The following MINK1 variants were observed in gnomAD, a reference collection of about 807,000 sequenced individuals.
The protein encoded by MINK1 is misshapen-like kinase 1.
Under a neutral mutation model 178.4 loss-of-function variants are expected in MINK1, and 46 were observed. The observed-to-expected ratio is 0.26, with a 90% CI of 0.20 to 0.33. MINK1 has a LOEUF of 0.33. Ranked by LOEUF, MINK1 falls within the 10% of genes least tolerant of loss-of-function variation. The pLI, the probability that MINK1 is intolerant of heterozygous loss-of-function variation, is 1.00. For synonymous variants in MINK1, 797 were observed against 709.7 expected, an observed-to-expected ratio of 1.12 and a Z score of -1.96; for missense variants, 1,366 against 1,814.9, an observed-to-expected ratio of 0.75 and a Z score of 4.49.
At chr17:4,859,190 A>G (rs1913709869) in intron 1 of MINK1, 1 of 985,390 alleles carries the variant, frequency 1.0e-6, no homozygotes, top group Non-Finnish European at 1.2e-6. Flanking sequence ...CTTCTTTCCC[A>G]AGGACTTCCA....
In MINK1 at chr17:4,879,394, G is replaced by A. The variant is rs1327800872; in HGVS notation, c.123+1012G>A. ...AAGTCTCTTCTACATCTCTAGCCCC[G>A]TGTTTCCTGTGTCGCTGAGACCACC... On this transcript the variant is annotated intron_variant, in intron 2 of 31. Transcript: ENST00000355280. Among the ~76,000 whole-genome samples, 6 of 152,340 alleles carry A rather than the reference G, an allele frequency of 3.9e-5. No individual in the cohort carries two copies. In the East Asian group the frequency reaches 9.6e-4, roughly 24 times the overall value.
chr17:4,889,777 C>T lies in MINK1; in HGVS notation c.1347+14C>T, dbSNP rs561147721. On this transcript the variant is annotated intron_variant, in intron 13 of 31. Coordinates refer to ENST00000355280, the MANE Select transcript of MINK1 (RefSeq NM_153827.5). ...GAGCGCGAGCAGGTAGAGCGCCGCA[C>T]CCGCATCCCTGCCCTCCCGCCCTCC... 3 of 1,514,438 alleles carry T rather than the reference C, an allele frequency of 2.0e-6. No individual in the cohort carries two copies. The highest frequency in any genetic ancestry group is 1.2e-5 in the South Asian group (1 of 80,964). The allele number at this position is 1,514,438 out of a possible 1,614,324, so 93.8% of individuals were successfully genotyped here.
Position 4,896,652 on chromosome 17 carries a change from G to GC in MINK1, c.3776-18dup. ...GTGGCCCCGGGGTGCAGCCTGCTCA[G>GC]CCCCTCACCTGTTCCCCACAGCCTA... On this transcript the variant is annotated intron_variant, in intron 30 of 31. Transcript: ENST00000355280. The surrounding 1 kb of genome is among the most constrained non-coding windows in gnomAD (Gnocchi z 4.6). 1 of 1,606,200 alleles carries GC rather than the reference G, an allele frequency of 6.2e-7. No homozygotes were observed. The highest frequency in any genetic ancestry group is 8.5e-7 in the Non-Finnish European group (1 of 1,175,200).
chr17:4,839,294 A>G (rs1397624048), intron 1 of MINK1, among the ~76,000 whole-genome samples: 4 of 152,036 alleles, frequency 2.6e-5, no homozygotes, highest in African/African-American at 7.3e-5. Flanking sequence ...TGCAACCTTC[A>G]AGGTTGGGAC....
intron 1 of MINK1, among the ~76,000 whole-genome samples, chr17:4,876,764 C>T (rs1967218915): frequency 6.6e-6 from 1 of 151,956 alleles, no homozygotes; most frequent in South Asian, 2.1e-4. Context: ...GGGGACGGGC[C>T]CACCCAGTGA....
At chr17:4,893,218 C>T in intron 20 of MINK1, 151 bp downstream of exon 20, 1 of 1,517,668 alleles carries the variant, frequency 6.6e-7, no homozygotes. Context: ...CTAACCTTTC[C>T]TAACCTCTCT....
intron 1 of MINK1, among the ~76,000 whole-genome samples, chr17:4,870,060 A>G (rs1915667279): frequency 1.3e-5 from 2 of 151,160 alleles, no homozygotes; most frequent in Non-Finnish European, 3.0e-5. Flanking sequence ...GGCACCCGCC[A>G]TCATGCCCAG....
In MINK1 at chr17:4,896,889, G is replaced by T. The variant is rs1228913727; in HGVS notation, c.3915+76G>T. 1.3e-6 allele frequency: 2 copies of T among 1,488,642 alleles called. No homozygotes were observed. The highest frequency in any genetic ancestry group is 1.4e-5 in the African/African-American group (1 of 70,990). 92.2% of individuals were successfully genotyped at this position (1,488,642 alleles called of 1,614,324 possible). ...CTAGGCCCCTGGGCAGAGTTCTGGG[G>T]AGAGGATGGTGGTGGTGGCTTCCTG... On this transcript the variant is annotated intron_variant, in intron 31 of 31. Coordinates refer to ENST00000355280, the MANE Select transcript of MINK1 (RefSeq NM_153827.5). This position sits in a 1 kb window ranked among gnomAD's most constrained non-coding sequence, Gnocchi z 4.6.
At chr17:4,881,065 G>A (rs752988087) in intron 3 of MINK1, 25 bp downstream of exon 3, 1 of 1,534,780 alleles carries the variant, frequency 6.5e-7, no homozygotes, top group African/African-American at 1.4e-5. Context: ...TGGGCAGTGG[G>A]AGGGTCGGAC....
In MINK1 at chr17:4,885,789, G is replaced by C; in HGVS notation, c.640-122G>C. 7.2e-7 allele frequency: 1 copy of C among 1,394,552 alleles called. No homozygotes were observed. The allele number at this position is 1,394,552 out of a possible 1,614,324, so 86.4% of individuals were successfully genotyped here. A position where few individuals can be genotyped will look rare whatever the true frequency, so the allele number is the denominator to read the frequency against. On this transcript the variant is annotated intron_variant, in intron 7 of 31. Transcript: ENST00000355280. This position sits in a 1 kb window ranked among gnomAD's most constrained non-coding sequence, Gnocchi z 5.0. ...GTGGGAAGATGGGATGGGTTGGAAG[G>C]CACTGCTGCAGGAATGGGTGTGGCC...
At chr17:4,891,196 GCGCGCACACA>G in intron 15 of MINK1, 72 bp downstream of exon 15, 4 of 850,042 alleles carry the variant, frequency 4.7e-6, no homozygotes, top group Non-Finnish European at 6.6e-6. Flanking sequence ...ACACACACAC[GCGCGCACACA>G]CACACACACA....
intron 1 of MINK1, among the ~76,000 whole-genome samples, chr17:4,857,806 C>G (rs920553941): frequency 6.6e-6 from 1 of 152,048 alleles, no homozygotes; most frequent in Non-Finnish European, 1.5e-5. Context: ...CCTCCTATTT[C>G]TTTTCTTATG....
intron 2 of MINK1, 130 bp downstream of exon 2, chr17:4,878,512 AAAG>A: frequency 2.5e-6 from 2 of 815,204 alleles, no homozygotes; most frequent in Non-Finnish European, 3.8e-6. Context: ...AGGGCCCTGG[AAAG>A]GTAGAGTGGG....
chr17:4,865,861 C>G (rs1179224710), intron 1 of MINK1, among the ~76,000 whole-genome samples: 1 of 151,948 alleles, frequency 6.6e-6, no homozygotes, highest in Non-Finnish European at 1.5e-5. Flanking sequence ...TGCCACTGCA[C>G]TCCAGCCTAG....
At chr17:4,867,207 G>A (rs1250513268) in intron 1 of MINK1, among the ~76,000 whole-genome samples, 1 of 131,210 alleles carries the variant, frequency 7.6e-6, no homozygotes, top group Non-Finnish European at 1.5e-5. Flanking sequence ...GAGTGCAGTG[G>A]CATGACCACA....
chr17:4,872,469 C>T (rs1421067547), intron 1 of MINK1, among the ~76,000 whole-genome samples: 1 of 151,778 alleles, frequency 6.6e-6, no homozygotes, highest in Non-Finnish European at 1.5e-5. Flanking sequence ...GAAACCCCGT[C>T]TACATAAAAA....
intron 1 of MINK1, among the ~76,000 whole-genome samples, chr17:4,846,797 A>G (rs892879957): frequency 6.6e-6 from 1 of 152,028 alleles, no homozygotes; most frequent in Non-Finnish European, 1.5e-5. Context: ...CTGCCCCCCA[A>G]AGTGCTAGGA....
intron 1 of MINK1, among the ~76,000 whole-genome samples, chr17:4,851,523 G>A (rs1911947017): frequency 6.6e-6 from 1 of 151,942 alleles, no homozygotes; most frequent in South Asian, 2.1e-4. Flanking sequence ...GACTTCTTTG[G>A]CCCTTCTCAC....
chr17:4,867,074 A>AAATAATAAT (rs56934978), intron 1 of MINK1, among the ~76,000 whole-genome samples: 13,372 of 119,814 alleles, frequency 0.11, 828 homozygotes, highest in East Asian at 0.2. Flanking sequence ...ACTCGTCTCA[A>AAATAATAAT]AATAATAATA....
Sources: allele counts gnomAD v4.1 joint callset (sites outside exome capture counted in the v4.1 genomes callset), GRCh38; gene constraint gnomAD v4.1.1; non-coding constraint Gnocchi (gnomAD v3.1); transcripts MANE v1.5; gene names NCBI Gene and HGNC (gene_info 2026-07-23, HGNC 2026-07-21).